Variants in ZNF563 observed in about 807,000 individuals in gnomAD.
ZNF563 encodes the protein zinc finger protein 563.
Under a neutral mutation model 48.5 loss-of-function variants are expected in ZNF563, and 39 were observed. The ratio of observed to expected loss-of-function variants is 0.80; its 90% CI spans 0.62 to 1.05. The LOEUF (loss-of-function observed/expected upper bound fraction) is 1.05. Ranked by LOEUF, ZNF563 falls within the 50% of genes least tolerant of loss-of-function variation. The probability of loss-of-function intolerance (pLI) is 0.00; values close to 1 mark genes in which losing one functional copy is unlikely to be tolerated. For missense variants in ZNF563, 538 were observed against 597.0 expected (o/e 0.90, Z 1.03); for synonymous variants, 168 against 187.9 (o/e 0.89, Z 0.87).
At position 12,319,437 on chromosome 19, in the gene ZNF563, A is replaced by G. The variant is rs375913095; in HGVS notation, c.588T>C (p.Pro196=). The change falls in exon 4 of 4, where the codon CCT becomes CCC. Residue 196 remains proline, a synonymous_variant. Coordinates refer to ENST00000293725, the MANE Select transcript of ZNF563 (RefSeq NM_145276.3). ...RHMVVQGGNR[P]YKCKLCGKAF... Reference sequence around the variant, plus strand: ...CTTTCCCACACAACTTACATTTATAAGGTCTATTTCCACCTTGCACTACCA... The same window carrying G: ...CTTTCCCACACAACTTACATTTATAGGGTCTATTTCCACCTTGCACTACCA... The G allele has an allele frequency of 6.8e-6, 11 of 1,614,224 alleles. No homozygotes were observed. The African/African-American group carries it at 1.5e-4, about 22-fold the overall frequency.
intron 3 of ZNF563, 134 bp downstream of exon 3, chr19:12,321,138 T>TAA: frequency 3.5e-5 from 19 of 547,176 alleles, no homozygotes; most frequent in South Asian, 5.4e-5. Context: ...AGGCCCTGAC[T>TAA]AAAAAAAAAA....
upstream of ZNF563, among the ~76,000 whole-genome samples, chr19:12,336,141 TATAAG>T (rs1019886164): frequency 1.3e-5 from 2 of 152,124 alleles, no homozygotes; most frequent in African/African-American, 4.8e-5. Context: ...AAAAAATATA[TATAAG>T]ATATTTAATA....
intron 1 of ZNF563, among the ~76,000 whole-genome samples, chr19:12,329,527 G>A (rs1485670453): frequency 6.6e-6 from 1 of 151,028 alleles, no homozygotes; most frequent in Non-Finnish European, 1.5e-5. Context: ...ATGATTCTCT[G>A]AAAAGATCTG....
At chr19:12,328,806 G>T (rs574308520) in intron 1 of ZNF563, among the ~76,000 whole-genome samples, 4 of 151,232 alleles carry the variant, frequency 2.6e-5, no homozygotes, top group Admixed American at 1.3e-4. Flanking sequence ...ATAAATAAAA[G>T]AAATTATATA....
At chr19:12,338,260 T>C (rs1247261717), upstream of ZNF563, among the ~76,000 whole-genome samples, 4 of 152,134 alleles carry the variant, frequency 2.6e-5, no homozygotes, top group Non-Finnish European at 5.9e-5. Flanking sequence ...TTTATTCTTA[T>C]TTTTTGAGAC....
At chr19:12,334,651 C>T (rs1455612536), upstream of ZNF563, among the ~76,000 whole-genome samples, 1 of 152,072 alleles carries the variant, frequency 6.6e-6, no homozygotes, top group Non-Finnish European at 1.5e-5. Context: ...GGTGAATCAC[C>T]TGAGGTCACC....
chr19:12,327,822 G>A (rs1968830474), intron 1 of ZNF563, among the ~76,000 whole-genome samples: 1 of 152,140 alleles, frequency 6.6e-6, no homozygotes, highest in South Asian at 2.1e-4. Context: ...AGTGAGTTCA[G>A]AATGATAAGG....
chr19:12,319,122 G>A lies in ZNF563; in HGVS notation c.903C>T (p.Thr301=). ...CATAGGGTTTCTCTGCACTGTGAGT[G>A]GTTTCATGTCTTCGAAGGGAACTGG... ...SVSSSLRRHE[T]THSAEKPYEC... The change falls in exon 4 of 4, where the codon ACC becomes ACT. Residue 301 remains threonine (T), a synonymous_variant. Transcript: ENST00000293725. 6.2e-7 allele frequency: 1 copy of A among 1,613,482 alleles called. No homozygotes were observed. Among genetic ancestry groups the A allele is most frequent in the Non-Finnish European group, 8.5e-7 (1 of 1,179,858 alleles).
upstream of ZNF563, among the ~76,000 whole-genome samples, chr19:12,337,571 A>G (rs1242101730): frequency 6.6e-6 from 1 of 152,176 alleles, no homozygotes; most frequent in African/African-American, 2.4e-5. Flanking sequence ...ACTTTCATAC[A>G]CAGCAATACA....
upstream of ZNF563, chr19:12,333,723 C>T (rs1250571439): frequency 3.6e-6 from 2 of 553,010 alleles, no homozygotes; most frequent in East Asian, 3.1e-5. Context: ...ATTGACAGTT[C>T]TCACGACCCC....
Position 12,318,540 on chromosome 19 carries a change from A to G in ZNF563, c.*54T>C. The G allele has an allele frequency of 6.5e-7, 1 of 1,547,000 alleles. No individual in the cohort carries two copies. Among genetic ancestry groups the G allele is most frequent in the Non-Finnish European group, 8.7e-7 (1 of 1,143,162 alleles). ...TAGGGTTTCTGTCCAGTGTAAGTTT[A>G]TTCATGATATCAAAGGGAACTGGAA... On this transcript the variant is annotated 3_prime_UTR_variant, in exon 4 of 4. Coordinates refer to ENST00000293725, the MANE Select transcript of ZNF563 (RefSeq NM_145276.3).
At chr19:12,319,878 G>T in intron 3 of ZNF563, 45 bp from the exon 4 acceptor site, 3 of 1,521,938 alleles carry the variant, frequency 2.0e-6, no homozygotes, top group Non-Finnish European at 2.7e-6. Context: ...GTTTCTAAAT[G>T]ATTATTTATT....
the ZNF563 span, among the ~76,000 whole-genome samples, chr19:12,344,168 A>G: frequency 6.6e-6 from 1 of 152,114 alleles, no homozygotes; most frequent in Non-Finnish European, 1.5e-5. Flanking sequence ...TGAGGTGGGC[A>G]GAGTGCTTGA....
At chr19:12,324,440 G>A (rs895967538) in intron 1 of ZNF563, among the ~76,000 whole-genome samples, 6 of 152,084 alleles carry the variant, frequency 3.9e-5, no homozygotes, top group Admixed American at 1.3e-4. Context: ...CTCACTGGCC[G>A]GGTGCGGTGG....
chr19:12,340,498 G>A, the ZNF563 span, among the ~76,000 whole-genome samples: 3 of 152,152 alleles, frequency 2.0e-5, no homozygotes, highest in Non-Finnish European at 1.5e-5. Context: ...AGTCAGCTAG[G>A]CATGATGGCT....
chr19:12,340,152 T>A, the ZNF563 span, among the ~76,000 whole-genome samples: 1 of 152,080 alleles, frequency 6.6e-6, no homozygotes, highest in Non-Finnish European at 1.5e-5. Flanking sequence ...CAGGCCAACA[T>A]GGCAAAACCG....
chr19:12,338,849 T>G, the ZNF563 span, among the ~76,000 whole-genome samples: 4 of 150,336 alleles, frequency 2.7e-5, no homozygotes, highest in Admixed American at 2.0e-4. Context: ...TGAGACTCCA[T>G]CTCAAAACAA....
intron 1 of ZNF563, among the ~76,000 whole-genome samples, chr19:12,330,391 C>T (rs1320028741): frequency 6.6e-6 from 1 of 152,168 alleles, no homozygotes; most frequent in East Asian, 1.9e-4. Context: ...CTTGGATTCC[C>T]AGCCTCTACT....
At chr19:12,333,984 G>T (rs1334731798), upstream of ZNF563, among the ~76,000 whole-genome samples, 1 of 152,198 alleles carries the variant, frequency 6.6e-6, no homozygotes, top group Admixed American at 6.5e-5. Flanking sequence ...CAAGTGTTTT[G>T]CAGGGAATCC....
Sources: gnomAD v4.1 joint callset for allele counts (sites outside exome capture counted in the v4.1 genomes callset) on GRCh38, gnomAD v4.1.1 for gene constraint, MANE v1.5 for transcripts, NCBI Gene and HGNC (gene_info 2026-07-23, HGNC 2026-07-21) for gene names.